Variants in ZFHX3 observed in about 807,000 individuals in gnomAD.
ZFHX3 encodes zinc finger homeobox 3, also known as zinc finger homeobox protein 3.
Under a neutral mutation model 279.1 loss-of-function variants are expected in ZFHX3, and 42 were observed. The observed-to-expected ratio is 0.15, with a 90% confidence interval of 0.12 to 0.19. The LOEUF is 0.19. Among genes scored for constraint, ZFHX3 ranks in the 10% least tolerant of loss-of-function variants. The pLI, the probability that ZFHX3 is intolerant of heterozygous loss-of-function variation, is 1.00. For synonymous variants in ZFHX3, 2,293 were observed against 1,957.8 expected (o/e 1.17, Z -4.52); for missense variants, 4,981 against 4,754.0 (o/e 1.05, Z -1.40).
chr16:73,034,964 G>A (rs1411290387), intron 1 of ZFHX3, among the ~76,000 whole-genome samples: 1 of 152,214 alleles, frequency 6.6e-6, no homozygotes, highest in African/African-American at 2.4e-5. Context: ...GCTGGTCACA[G>A]GGGTGATGGC....
intron 2 of ZFHX3, among the ~76,000 whole-genome samples, chr16:73,474,649 T>C (rs1254964072): frequency 6.6e-6 from 1 of 152,132 alleles, no homozygotes; most frequent in Non-Finnish European, 1.5e-5. Flanking sequence ...TACAAGCAGA[T>C]GCTCCTCTGG....
intron 1 of ZFHX3, among the ~76,000 whole-genome samples, chr16:73,848,873 CAT>C (rs1257377997): frequency 6.6e-6 from 1 of 152,210 alleles, no homozygotes; most frequent in Non-Finnish European, 1.5e-5. Context: ...TACTTTCTGT[CAT>C]ATGTATTTTG....
chr16:73,651,230 C>T lies in ZFHX3; in HGVS notation c.-1547+28950G>A, dbSNP rs558573702. Among the ~76,000 whole-genome samples the T allele has an allele frequency of 1.2e-4, 12 of 99,564 alleles. 1 individual carries two copies. In the South Asian group the frequency reaches 3.1e-3, roughly 26 times the overall value. The allele number at this position is 99,564 out of a possible 152,430, so 65.3% of individuals were successfully genotyped here. A position where few individuals can be genotyped will look rare whatever the true frequency, so the allele number is the denominator to read the frequency against. The stretch of plus-strand genomic sequence containing the variant: ...TAGTCAGATGAAATTATCCAGAATA[C>T]GAGGAGAAAAAAAAAAAGCAGGGAA... On this transcript the variant is annotated intron_variant, in intron 2 of 17. Coordinates refer to the ZFHX3 transcript ENST00000641206.
intron 2 of ZFHX3, among the ~76,000 whole-genome samples, chr16:73,666,228 T>C (rs2052841393): frequency 6.6e-6 from 1 of 151,934 alleles, no homozygotes; most frequent in Non-Finnish European, 1.5e-5. Context: ...TAAATCTCCA[T>C]GTCCTATAAA....
intron 5 of ZFHX3, among the ~76,000 whole-genome samples, chr16:73,239,847 A>G (rs1182445325): frequency 6.6e-6 from 1 of 152,208 alleles, no homozygotes; most frequent in African/African-American, 2.4e-5. Flanking sequence ...TATTTGCAGT[A>G]GTTATGCTCT....
rs2020184621 is a variant in ZFHX3 at position 73,550,293 on chromosome 16, T to G, written c.-1546-94035A>C. ...CACTTAAACCAGTCCACTCCGTTAATGTCAGGTCACGGGGGACACATTTAG... is the reference window on the plus strand; with the variant it reads ...CACTTAAACCAGTCCACTCCGTTAAGGTCAGGTCACGGGGGACACATTTAG... On this transcript the variant is annotated intron_variant, in intron 2 of 17. Transcript: ENST00000641206. 1.3e-5 allele frequency among the ~76,000 whole-genome samples: 2 copies of G among 152,188 alleles called. 1 individual carries two copies. Among genetic ancestry groups the G allele is most frequent in the South Asian group, 4.1e-4 (2 of 4,830 alleles).
intron 1 of ZFHX3, among the ~76,000 whole-genome samples, chr16:73,867,520 C>A (rs1962056229): frequency 6.6e-6 from 1 of 152,190 alleles, no homozygotes; most frequent in Admixed American, 6.5e-5. Flanking sequence ...GGTGGGGTTT[C>A]TCCCCGATAT....
intron 2 of ZFHX3, among the ~76,000 whole-genome samples, chr16:73,490,907 G>T (rs2019047583): frequency 6.6e-6 from 1 of 152,238 alleles, no homozygotes; most frequent in South Asian, 2.1e-4. Flanking sequence ...AGAGCTAACT[G>T]ATATTTCTTT....
At chr16:73,859,033 T>C (rs924277875) in intron 1 of ZFHX3, among the ~76,000 whole-genome samples, 1 of 152,324 alleles carries the variant, frequency 6.6e-6, no homozygotes, top group Non-Finnish European at 1.5e-5. Context: ...TACAAGGAGA[T>C]GGTAAATCCC....
intron 3 of ZFHX3, among the ~76,000 whole-genome samples, chr16:73,384,977 T>C (rs989879181): frequency 6.6e-6 from 1 of 152,130 alleles, no homozygotes; most frequent in Non-Finnish European, 1.5e-5. Flanking sequence ...TGCGGGGACT[T>C]CTGTGAAAAC....
rs141526621 is a variant in ZFHX3, at chr16:73,654,904, A to T, written c.-1547+25276T>A. Among the ~76,000 whole-genome samples, 5 of 123,516 alleles carry T rather than the reference A, an allele frequency of 4.0e-5. No individual in the cohort carries two copies. The East Asian group carries it at 1.2e-3, about 30-fold the overall frequency. 81.0% of individuals were successfully genotyped at this position (123,516 alleles called of 152,430 possible). A position where few individuals can be genotyped will look rare whatever the true frequency, so the allele number is the denominator to read the frequency against. On this transcript the variant is annotated intron_variant, in intron 2 of 17. Transcript: ENST00000641206. ...GAGACAGAGTCTCACTGTGTCGCCC[A>T]GGTTGGAGTGCAGTGGAGTGATCTC...
chr16:72,932,632 T>C (rs987868244), intron 3 of ZFHX3, among the ~76,000 whole-genome samples: 2 of 142,302 alleles, frequency 1.4e-5, no homozygotes, highest in Non-Finnish European at 3.0e-5. Context: ...TTCAGGGAAA[T>C]TCCATCTCCC....
chr16:73,387,685 G>A (rs992500850), intron 3 of ZFHX3, among the ~76,000 whole-genome samples: 6 of 152,028 alleles, frequency 3.9e-5, no homozygotes, highest in East Asian at 1.9e-4. Flanking sequence ...TTGAACAGAT[G>A]TGCCTCAAGA....
At chr16:72,988,290 G>C (rs1451514676) in intron 1 of ZFHX3, among the ~76,000 whole-genome samples, 2 of 152,174 alleles carry the variant, frequency 1.3e-5, no homozygotes, top group Non-Finnish European at 2.9e-5. Context: ...GCACAGTCTA[G>C]GGCAGGGAAC....
intron 3 of ZFHX3, among the ~76,000 whole-genome samples, chr16:73,423,776 C>T (rs535418773): frequency 9.9e-5 from 15 of 151,306 alleles, no homozygotes; most frequent in African/African-American, 3.6e-4. Context: ...GCAGGAGAAT[C>T]GCTTGAACCT....
intron 3 of ZFHX3, among the ~76,000 whole-genome samples, chr16:73,369,298 C>G (rs756112977): frequency 6.6e-6 from 1 of 152,142 alleles, no homozygotes; most frequent in Non-Finnish European, 1.5e-5. Flanking sequence ...TTCCATGGTC[C>G]ATTGCAAAGT....
At chr16:73,854,650 T>C (rs1012343313) in intron 1 of ZFHX3, among the ~76,000 whole-genome samples, 1 of 99,728 alleles carries the variant, frequency 1.0e-5, no homozygotes, top group Non-Finnish European at 2.0e-5. Context: ...TCTGGTTAAA[T>C]AGAAAAAAAA....
At chr16:73,687,172 T>TGAGCTCAG (rs1489173272) in intron 1 of ZFHX3, among the ~76,000 whole-genome samples, 1 of 149,158 alleles carries the variant, frequency 6.7e-6, no homozygotes, top group Admixed American at 6.7e-5. Flanking sequence ...GCAGATTGCT[T>TGAGCTCAG]GAGCTCAGGA....
chr16:73,290,015 C>CCACA (rs10564390), intron 4 of ZFHX3, among the ~76,000 whole-genome samples: 4,177 of 144,342 alleles, frequency 0.029, 70 homozygotes, highest in African/African-American at 0.039. Flanking sequence ...AGAGAAATAA[C>CCACA]CACACACACA....
Sources: gnomAD v4.1 joint callset for allele counts (sites outside exome capture counted in the v4.1 genomes callset) on GRCh38, gnomAD v4.1.1 for gene constraint, MANE v1.5 for transcripts, NCBI Gene and HGNC (gene_info 2026-07-23, HGNC 2026-07-21) for gene names.